The following ATG10 variants were observed in gnomAD, a reference collection of about 807,000 sequenced individuals.
The protein encoded by ATG10 is autophagy related 10, also known as ubiquitin-like-conjugating enzyme ATG10.
ATG10 carries 30 observed loss-of-function variants against 32.1 expected under a neutral mutation model. The ratio of observed to expected loss-of-function variants is 0.94; its 90% confidence interval spans 0.70 to 1.27. The LOEUF (loss-of-function observed/expected upper bound fraction) is 1.27. Ranked by LOEUF, ATG10 falls within the 50% of genes most tolerant of loss-of-function variation. The pLI, the probability that ATG10 is intolerant of heterozygous loss-of-function variation, is 0.00. For synonymous variants in ATG10, 87 were observed against 91.5 expected, an observed-to-expected ratio of 0.95 and a Z score of 0.28; for missense variants, 233 against 262.3, an observed-to-expected ratio of 0.89 and a Z score of 0.77.
At chr5:82,111,901 T>C (rs1379799972) in intron 3 of ATG10, among the ~76,000 whole-genome samples, 1 of 152,024 alleles carries the variant, frequency 6.6e-6, no homozygotes, top group African/African-American at 2.4e-5. Context: ...TTTGTGTTCA[T>C]ATATCTGTTT....
At chr5:82,010,349 A>G (rs1365575265) in intron 2 of ATG10, among the ~76,000 whole-genome samples, 1 of 152,122 alleles carries the variant, frequency 6.6e-6, no homozygotes, top group Non-Finnish European at 1.5e-5. Context: ...AAGTGTTGCT[A>G]TGTTTTCCAA....
At chr5:82,121,941 G>GTTTTTTTTTTTTTTTTTTTTTTTT (rs77349086) in intron 3 of ATG10, among the ~76,000 whole-genome samples, 25 of 120,992 alleles carry the variant, frequency 2.1e-4, no homozygotes, top group African/African-American at 4.9e-4. Flanking sequence ...TTGGCCTGAA[G>GTTTTTTTTTTTTTTTTTTTTTTTT]TTTTTTTTTT....
chr5:82,079,925 C>T (rs1764415074), intron 3 of ATG10, among the ~76,000 whole-genome samples: 1 of 152,174 alleles, frequency 6.6e-6, no homozygotes, highest in South Asian at 2.1e-4. Flanking sequence ...GTTCTAGATC[C>T]TTGAGGAATC....
intron 3 of ATG10, among the ~76,000 whole-genome samples, chr5:82,154,595 A>G (rs1767737736): frequency 6.6e-6 from 1 of 152,054 alleles, no homozygotes; most frequent in Non-Finnish European, 1.5e-5. Context: ...GTGCTTTTTT[A>G]TTTTTGCCTA....
At chr5:81,993,324 T>TTTCTTTCCTTCC (rs1761521302) in intron 2 of ATG10, among the ~76,000 whole-genome samples, 1 of 103,204 alleles carries the variant, frequency 9.7e-6, no homozygotes, top group African/African-American at 4.2e-5. Context: ...TCTTTCTTTC[T>TTTCTTTCCTTCC]TTCCTTCCTT....
chr5:82,056,175 T>G (rs1012264925), intron 2 of ATG10, among the ~76,000 whole-genome samples: 2 of 152,202 alleles, frequency 1.3e-5, no homozygotes, highest in African/African-American at 4.8e-5. Context: ...CTTCTATTTT[T>G]AAACTAATAA....
At chr5:82,103,213 A>G (rs1561299796) in intron 3 of ATG10, among the ~76,000 whole-genome samples, 1 of 152,208 alleles carries the variant, frequency 6.6e-6, no homozygotes, top group Non-Finnish European at 1.5e-5. Flanking sequence ...ATTAAATTTA[A>G]TAAATATGTT....
At chr5:82,000,869 C>T (rs548436633) in intron 2 of ATG10, among the ~76,000 whole-genome samples, 1 of 152,160 alleles carries the variant, frequency 6.6e-6, no homozygotes, top group African/African-American at 2.4e-5. Context: ...GTTGGCTACC[C>T]TGGTCTTGAA....
intron 3 of ATG10, among the ~76,000 whole-genome samples, chr5:82,138,355 C>T (rs1298034426): frequency 5.9e-5 from 9 of 152,306 alleles, no homozygotes; most frequent in Middle Eastern, 3.4e-3. Flanking sequence ...GCCCTGGTGT[C>T]GTAGGCACTC....
At chr5:82,079,161 T>C (rs144545845) in intron 3 of ATG10, among the ~76,000 whole-genome samples, 4 of 152,316 alleles carry the variant, frequency 2.6e-5, no homozygotes, top group African/African-American at 9.6e-5. Context: ...TCTTTGGTTA[T>C]ATCTGGGCAA....
intron 2 of ATG10, among the ~76,000 whole-genome samples, chr5:82,056,113 T>C (rs2149746746): frequency 6.6e-6 from 1 of 152,326 alleles, no homozygotes; most frequent in African/African-American, 2.4e-5. Flanking sequence ...GTAAATCTTT[T>C]ATATAATCAA....
intron 5 of ATG10, among the ~76,000 whole-genome samples, chr5:82,224,589 G>A (rs1165248544): frequency 2.0e-5 from 3 of 152,200 alleles, no homozygotes; most frequent in Non-Finnish European, 4.4e-5. Flanking sequence ...AGGAAAGCAG[G>A]TGGGAGGTTC....
At chr5:82,136,946 C>A (rs991516074) in intron 3 of ATG10, among the ~76,000 whole-genome samples, 3 of 151,994 alleles carry the variant, frequency 2.0e-5, no homozygotes, top group African/African-American at 7.2e-5. Flanking sequence ...CTTCATGCTT[C>A]ATTTCATTAA....
At chr5:82,080,888 A>G (rs1764454492) in intron 3 of ATG10, among the ~76,000 whole-genome samples, 1 of 152,104 alleles carries the variant, frequency 6.6e-6, no homozygotes, top group South Asian at 2.1e-4. Context: ...GTTTTTTCCA[A>G]TTCTGTGAAG....
chr5:82,213,369 C>T (rs1239508627), intron 5 of ATG10, among the ~76,000 whole-genome samples: 1 of 152,160 alleles, frequency 6.6e-6, no homozygotes, highest in African/African-American at 2.4e-5. Flanking sequence ...CCTAGTCTTA[C>T]CTGGTGAGCT....
intron 5 of ATG10, among the ~76,000 whole-genome samples, chr5:82,183,806 T>G (rs2149932683): frequency 6.6e-6 from 1 of 152,338 alleles, no homozygotes; most frequent in South Asian, 2.1e-4. Context: ...AATGAGTTGG[T>G]TCTCTAGTAT....
At chr5:82,042,172 G>T (rs554772446) in intron 2 of ATG10, among the ~76,000 whole-genome samples, 1 of 152,266 alleles carries the variant, frequency 6.6e-6, no homozygotes, top group East Asian at 1.9e-4. Context: ...AAGCATGACT[G>T]GGAGGCCTCA....
At chr5:82,178,731 TAAA>T in intron 5 of ATG10, 144 bp downstream of exon 5, 1 of 532,794 alleles carries the variant, frequency 1.9e-6, no homozygotes, top group Non-Finnish European at 3.2e-6. Flanking sequence ...ACAGTTTCCT[TAAA>T]AAAAAACCTT....
At chr5:82,085,856 C>G (rs1379196774) in intron 3 of ATG10, among the ~76,000 whole-genome samples, 2 of 151,928 alleles carry the variant, frequency 1.3e-5, no homozygotes, top group African/African-American at 4.8e-5. Flanking sequence ...TTCTAATTAT[C>G]CCCTATTAGA....
Sources: allele counts gnomAD v4.1 joint callset (sites outside exome capture counted in the v4.1 genomes callset), GRCh38; gene constraint gnomAD v4.1.1; transcripts MANE v1.5; gene names NCBI Gene and HGNC (gene_info 2026-07-23, HGNC 2026-07-21).